MALRD1: variants seen among roughly 807,000 people sequenced by gnomAD.
MALRD1 encodes the protein MAM and LDL receptor class A domain containing 1.
MALRD1 carries 247 observed loss-of-function variants against 242.1 expected under a neutral mutation model. The ratio of observed to expected loss-of-function variants is 1.02; its 90% CI spans 0.92 to 1.13. MALRD1 has a LOEUF of 1.13. Among genes scored for constraint, MALRD1 ranks in the 50% most tolerant of loss-of-function variants. The pLI, the probability that MALRD1 is intolerant of heterozygous loss-of-function variation, is 0.00. For synonymous variants in MALRD1, 995 were observed against 866.6 expected (o/e 1.15, Z -2.60); for missense variants, 2,989 against 2,533.1 (o/e 1.18, Z -3.86).
intron 18 of MALRD1, among the ~76,000 whole-genome samples, chr10:19,231,207 G>A (rs566910171): frequency 2.4e-4 from 36 of 152,274 alleles, no homozygotes; most frequent in Admixed American, 1.3e-3. Flanking sequence ...CAACTCTGAA[G>A]GGTCACCCCA....
At chr10:19,079,571 G>T (rs1835419341) in intron 2 of MALRD1, among the ~76,000 whole-genome samples, 1 of 151,816 alleles carries the variant, frequency 6.6e-6, no homozygotes, top group African/African-American at 2.4e-5. Context: ...TATTTTTGAA[G>T]GTAGAATATT....
At chr10:19,218,348 C>A (rs1837416078) in intron 18 of MALRD1, among the ~76,000 whole-genome samples, 1 of 151,986 alleles carries the variant, frequency 6.6e-6, no homozygotes. Context: ...CGTCACTTTT[C>A]TTTTTTCTTA....
chr10:19,211,077 C>G (rs772744845), intron 18 of MALRD1, among the ~76,000 whole-genome samples: 2 of 152,094 alleles, frequency 1.3e-5, no homozygotes, highest in Non-Finnish European at 2.9e-5. Context: ...CTCATTGGGT[C>G]AATTATGATT....
rs571632091 is a variant in MALRD1 at position 19,548,347 on chromosome 10, T to G, written c.5478+16996T>G. Among the ~76,000 whole-genome samples the G allele has an allele frequency of 1.5e-3, 221 of 152,256 alleles. 2 individuals are homozygous for G. The highest frequency in any genetic ancestry group is 2.7e-3 in the Non-Finnish European group (183 of 68,012). The stretch of plus-strand genomic sequence containing the variant: ...ATTAGATTTTCTTTTTTCTTTCTTA[T>G]TCCCAGTGTTTATAAGTTTTAATTG... On this transcript the variant is annotated intron_variant, in intron 32 of 39. Transcript: ENST00000454679.
chr10:19,476,928 A>AC (rs1304225796), intron 29 of MALRD1, among the ~76,000 whole-genome samples: 1 of 38,134 alleles, frequency 2.6e-5, no homozygotes, highest in Admixed American at 2.6e-4. Context: ...TCTTTGTCAA[A>AC]TTAAAAAAAA....
intron 29 of MALRD1, among the ~76,000 whole-genome samples, chr10:19,480,831 T>G (rs1836962604): frequency 6.6e-6 from 1 of 152,072 alleles, no homozygotes; most frequent in Non-Finnish European, 1.5e-5. Context: ...TAAACAGGCT[T>G]TTTTTTGGCG....
Position 19,086,640 on chromosome 10 carries a change from C to T in MALRD1, c.341-1200C>T, listed in dbSNP as rs954299345. 2.0e-5 allele frequency among the ~76,000 whole-genome samples: 3 copies of T among 151,998 alleles called. No individual in the cohort carries two copies. In the South Asian group the frequency reaches 6.2e-4, roughly 32 times the overall value. Reference sequence around the variant, plus strand: ...ATCCAACTCTTTCTGAACAAAAGCACAGTGAGCAATGATCTCTTCTAAAGC... The same window carrying T: ...ATCCAACTCTTTCTGAACAAAAGCATAGTGAGCAATGATCTCTTCTAAAGC... On this transcript the variant is annotated intron_variant, in intron 2 of 39. Transcript: ENST00000454679.
intron 28 of MALRD1, among the ~76,000 whole-genome samples, chr10:19,430,111 CTTTTTTTT>C (rs1156254998): frequency 1.2e-5 from 1 of 83,494 alleles, no homozygotes; most frequent in Non-Finnish European, 2.1e-5. Flanking sequence ...CTCCATTTTC[CTTTTTTTT>C]TTTTTTTTTT....
At chr10:19,159,490 A>G (rs757760186) in intron 12 of MALRD1, among the ~76,000 whole-genome samples, 5 of 152,104 alleles carry the variant, frequency 3.3e-5, no homozygotes, top group Non-Finnish European at 7.4e-5. Context: ...GAGGTGGCTG[A>G]GGGTTTGGAG....
chr10:19,358,193 CAAGTGTGTGTGTGTGT>C (rs1428329205), intron 26 of MALRD1, among the ~76,000 whole-genome samples: 2 of 89,586 alleles, frequency 2.2e-5, no homozygotes, highest in Admixed American at 1.2e-4. Context: ...GGGCAGGAGT[CAAGTGTGTGTGTGTGT>C]GTGTGTGTGT....
At chr10:19,141,458 G>A (rs1199443469) in intron 10 of MALRD1, among the ~76,000 whole-genome samples, 4 of 152,076 alleles carry the variant, frequency 2.6e-5, no homozygotes, top group Non-Finnish European at 5.9e-5. Context: ...ATGGATGGTG[G>A]TAATGGTTGT....
chr10:19,136,540 G>A, intron 9 of MALRD1, 34 bp from the exon 10 acceptor site: 2 of 1,169,378 alleles, frequency 1.7e-6, no homozygotes, highest in Admixed American at 4.2e-5. Context: ...TAAGGAGATT[G>A]CAAACTCATA....
intron 21 of MALRD1, among the ~76,000 whole-genome samples, chr10:19,310,862 G>A (rs1303431504): frequency 6.6e-6 from 1 of 151,378 alleles, no homozygotes; most frequent in Non-Finnish European, 1.5e-5. Flanking sequence ...CTATATTACA[G>A]TGCATGTCCC....
intron 32 of MALRD1, among the ~76,000 whole-genome samples, chr10:19,542,567 A>G (rs950189933): frequency 9.9e-5 from 15 of 152,142 alleles, no homozygotes; most frequent in Admixed American, 2.0e-4. Flanking sequence ...AGTAGTTCCA[A>G]TATCATTGAT....
intron 29 of MALRD1, among the ~76,000 whole-genome samples, chr10:19,484,438 T>C (rs925236467): frequency 6.6e-6 from 1 of 152,182 alleles, no homozygotes; most frequent in Admixed American, 6.5e-5. Context: ...AGAATAAATT[T>C]ACTATTAGAC....
intron 29 of MALRD1, among the ~76,000 whole-genome samples, chr10:19,473,331 A>G (rs1836587025): frequency 6.6e-6 from 1 of 151,948 alleles, no homozygotes; most frequent in Non-Finnish European, 1.5e-5. Context: ...AAATATATAG[A>G]ACATAAAACT....
At chr10:19,711,772 G>T (rs1014648894) in intron 38 of MALRD1, among the ~76,000 whole-genome samples, 5 of 152,210 alleles carry the variant, frequency 3.3e-5, no homozygotes, top group African/African-American at 1.2e-4. Context: ...GCCAATCACT[G>T]AGACAACAAG....
intron 34 of MALRD1, among the ~76,000 whole-genome samples, chr10:19,596,329 T>A (rs1202861036): frequency 2.0e-5 from 3 of 152,178 alleles, no homozygotes; most frequent in Non-Finnish European, 2.9e-5. Context: ...TATACCATAT[T>A]ATATTTTTGG....
chr10:19,472,491 A>C (rs1036792402), intron 29 of MALRD1, among the ~76,000 whole-genome samples: 8 of 152,000 alleles, frequency 5.3e-5, no homozygotes, highest in Non-Finnish European at 1.2e-4. Context: ...CTTTTTTAAA[A>C]GAAGAATTTG....
Sources: allele counts gnomAD v4.1 joint callset (sites outside exome capture counted in the v4.1 genomes callset), GRCh38; gene constraint gnomAD v4.1.1; transcripts MANE v1.5; gene names NCBI Gene and HGNC (gene_info 2026-07-23, HGNC 2026-07-21).